SHANK2: variants seen among roughly 807,000 people sequenced by gnomAD.
SHANK2 encodes the protein SH3 and multiple ankyrin repeat domains 2.
Under a neutral mutation model 133.7 loss-of-function variants are expected in SHANK2, and 43 were observed. That is an observed-to-expected ratio of 0.32 (90% CI 0.25 to 0.41). The LOEUF is 0.41. Ranked by LOEUF, SHANK2 falls within the 10% of genes least tolerant of loss-of-function variation. The pLI is 1.00. For synonymous variants in SHANK2, 1,017 were observed against 952.8 expected (o/e 1.07, Z -1.24); for missense variants, 1,994 against 2,235.8 (o/e 0.89, Z 2.18).
intron 11 of SHANK2, chr11:70,826,815 TGAGG>T (rs1948648159): frequency 4.3e-6 from 1 of 233,692 alleles, no homozygotes; most frequent in Non-Finnish European, 8.7e-6. Context: ...CTCAGGGCAT[TGAGG>T]AAGAGGCACC....
At chr11:70,930,484 T>G (rs1950487193) in intron 10 of SHANK2, among the ~76,000 whole-genome samples, 1 of 152,118 alleles carries the variant, frequency 6.6e-6, no homozygotes, top group Admixed American at 6.5e-5. Flanking sequence ...GTTATTAATA[T>G]TGTATTTATT....
At chr11:71,164,505 C>G (rs1555110434) in intron 2 of SHANK2, among the ~76,000 whole-genome samples, 1 of 152,196 alleles carries the variant, frequency 6.6e-6, no homozygotes, top group African/African-American at 2.4e-5. Flanking sequence ...ACCTAAGACA[C>G]CTCCAATTCA....
intron 12 of SHANK2, among the ~76,000 whole-genome samples, chr11:70,815,458 A>G (rs1406495436): frequency 6.6e-6 from 1 of 152,018 alleles, no homozygotes; most frequent in East Asian, 1.9e-4. Flanking sequence ...TGTCTCCACT[A>G]ACAGCCCTCA....
chr11:70,474,103 G>A (rs995018459), intron 25 of SHANK2: 1 of 171,702 alleles, frequency 5.8e-6, no homozygotes, highest in Non-Finnish European at 1.3e-5. Context: ...CCAGACAGCA[G>A]GGCGTGGCTT....
At chr11:70,872,932 C>T (rs1325722980) in intron 11 of SHANK2, 1 of 460,526 alleles carries the variant, frequency 2.2e-6, no homozygotes, top group African/African-American at 2.0e-5. Context: ...TATCCACTGT[C>T]TGCCCTCTCC....
At chr11:71,186,301 G>C (rs1342997183) in intron 2 of SHANK2, among the ~76,000 whole-genome samples, 1 of 152,192 alleles carries the variant, frequency 6.6e-6, no homozygotes, top group Non-Finnish European at 1.5e-5. Flanking sequence ...CCACTGGCCA[G>C]TCATTCGGTG....
chr11:71,080,319 G>A (rs888420815), intron 8 of SHANK2, among the ~76,000 whole-genome samples: 4 of 152,146 alleles, frequency 2.6e-5, no homozygotes, highest in African/African-American at 9.7e-5. Flanking sequence ...TTGCCCCAGC[G>A]ATGCCTAGCG....
intron 11 of SHANK2, among the ~76,000 whole-genome samples, chr11:70,842,199 A>G (rs1317609118): frequency 6.6e-6 from 1 of 152,228 alleles, no homozygotes; most frequent in Non-Finnish European, 1.5e-5. Flanking sequence ...TGTTATTAAA[A>G]TATTTAAACA....
chr11:70,485,649 A>G lies in SHANK2; in HGVS notation c.4644T>C (p.Pro1548=), dbSNP rs1591486580. The change falls in exon 25 of 26, where the codon CCT becomes CCC. Residue 1548 remains proline, a synonymous_variant. Transcript: ENST00000601538. This position sits in a 1 kb window ranked among gnomAD's most constrained non-coding sequence, Gnocchi z 5.8. ...AFMVDKPPVP[P]KPKMKPIIHK... The stretch of plus-strand genomic sequence containing the variant: ...GAATGATGGGCTTCATTTTTGGCTT[A>G]GGAGGTACTGGGGGTTTGTCAACCA... 4 of 1,614,102 alleles carry G rather than the reference A, an allele frequency of 2.5e-6. No individual in the cohort carries two copies. Among genetic ancestry groups the G allele is most frequent in the Non-Finnish European group, 3.4e-6 (4 of 1,180,036 alleles).
intron 8 of SHANK2, among the ~76,000 whole-genome samples, chr11:71,088,903 C>A (rs1355441012): frequency 6.8e-6 from 1 of 147,944 alleles, no homozygotes; most frequent in Non-Finnish European, 1.5e-5. Context: ...GGTGACTGCA[C>A]CACCCCACCA....
intron 10 of SHANK2, chr11:70,943,137 A>G (rs1287336758): frequency 6.6e-6 from 3 of 454,732 alleles, no homozygotes; most frequent in African/African-American, 2.0e-5. Flanking sequence ...TGGAGCAAGC[A>G]GTCTCACCTG....
intron 17 of SHANK2, among the ~76,000 whole-genome samples, chr11:70,531,976 G>T (rs1453025125): frequency 3.3e-5 from 5 of 152,176 alleles, no homozygotes; most frequent in African/African-American, 1.2e-4. Flanking sequence ...TGACAGTTCT[G>T]GGATATATGC....
At chr11:70,501,346 T>C in intron 20 of SHANK2, among the ~76,000 whole-genome samples, 1 of 152,152 alleles carries the variant, frequency 6.6e-6, no homozygotes, top group East Asian at 1.9e-4. Context: ...TGTGCCAGAG[T>C]GCAGGGAGGA....
In SHANK2 at chr11:70,473,178, G is replaced by A. The variant is rs782236024; in HGVS notation, c.5241C>T (p.Pro1747=). The change falls in exon 26 of 26, where the codon CCC becomes CCT. Residue 1747 remains proline (P), a synonymous_variant. Transcript: ENST00000601538. The surrounding 1 kb of genome is among the most constrained non-coding windows in gnomAD (Gnocchi z 5.9). Reference sequence around the variant, plus strand: ...TCAAGCCAAATAGATCCCCAGAAGGGGGCTGGCTTGGAAGGCTAAAGACAT... The same window carrying A: ...TCAAGCCAAATAGATCCCCAGAAGGAGGCTGGCTTGGAAGGCTAAAGACAT... The part of the protein sequence containing the change: ...LSDVFSLPSQ[P]PSGDLFGLNP... The A allele has an allele frequency of 3.7e-6, 6 of 1,613,440 alleles. No individual in the cohort carries two copies. The highest frequency in any genetic ancestry group is 5.1e-6 in the Non-Finnish European group (6 of 1,179,456).
intron 8 of SHANK2, among the ~76,000 whole-genome samples, chr11:71,084,568 A>G (rs1355948348): frequency 2.6e-5 from 4 of 152,352 alleles, no homozygotes; most frequent in African/African-American, 9.6e-5. Flanking sequence ...GTGCTAGAAC[A>G]GAGACACAGA....
At chr11:70,831,693 A>T (rs1463530289) in intron 11 of SHANK2, among the ~76,000 whole-genome samples, 1 of 152,248 alleles carries the variant, frequency 6.6e-6, no homozygotes, top group Non-Finnish European at 1.5e-5. Flanking sequence ...AGAACATTTC[A>T]AGGTGCTCTG....
At chr11:70,518,123 G>A (rs1554970407) in intron 17 of SHANK2, among the ~76,000 whole-genome samples, 2 of 152,160 alleles carry the variant, frequency 1.3e-5, no homozygotes, top group African/African-American at 4.8e-5. Flanking sequence ...AGCCAGTGCT[G>A]TCCCTTTAGC....
At chr11:70,624,193 C>T (rs2060872422) in intron 17 of SHANK2, among the ~76,000 whole-genome samples, 1 of 152,078 alleles carries the variant, frequency 6.6e-6, no homozygotes. Flanking sequence ...TAACGGACAC[C>T]ATGCCTGCCA....
chr11:70,471,273 AAAAC>A lies in SHANK2; in HGVS notation c.*1592_*1595del, dbSNP rs1565514969. On this transcript the variant is annotated 3_prime_UTR_variant, in exon 26 of 26. Transcript: ENST00000601538. This position sits in a 1 kb window ranked among gnomAD's most constrained non-coding sequence, Gnocchi z 4.1. ...TAATCAAGAAAAAAAGGAAAAAAAA[AAAAC>A]AAAACCATGTTTTATAATTAGAGAT... 2.5e-6 allele frequency: 1 copy of A among 398,770 alleles called. No homozygotes were observed. Among genetic ancestry groups the A allele is most frequent in the Non-Finnish European group, 4.4e-6 (1 of 226,024 alleles). The allele number at this position is 398,770 out of a possible 1,614,324, so 24.7% of individuals were successfully genotyped here.
Sources: allele counts gnomAD v4.1 joint callset (sites outside exome capture counted in the v4.1 genomes callset), GRCh38; gene constraint gnomAD v4.1.1; non-coding constraint Gnocchi (gnomAD v3.1); transcripts MANE v1.5; gene names NCBI Gene and HGNC (gene_info 2026-07-23, HGNC 2026-07-21).